The following ACSM2B variants were observed in gnomAD, a reference collection of about 807,000 sequenced individuals.
The protein encoded by ACSM2B is acyl-CoA synthetase medium chain family member 2B.
Under a neutral mutation model 78.6 loss-of-function variants are expected in ACSM2B, and 58 were observed. That is an observed-to-expected ratio of 0.74 (90% confidence interval 0.60 to 0.92). ACSM2B has a LOEUF of 0.92. Ranked by LOEUF, ACSM2B falls within the 40% of genes least tolerant of loss-of-function variation. The pLI is 0.00. For missense variants in ACSM2B, 688 were observed against 711.2 expected (o/e 0.97, Z 0.37); for synonymous variants, 257 against 256.8 (o/e 1.00, Z -0.01).
chr16:20,537,436 G>C, intron 13 of ACSM2B, 74 bp from the exon 14 acceptor site: 2 of 1,545,420 alleles, frequency 1.3e-6, no homozygotes, highest in Non-Finnish European at 1.8e-6. Context: ...AACTGCTGTA[G>C]GGTGAGGGGA....
intron 9 of ACSM2B, among the ~76,000 whole-genome samples, chr16:20,545,551 C>T (rs1351989359): frequency 6.6e-6 from 1 of 152,144 alleles, no homozygotes; most frequent in Non-Finnish European, 1.5e-5. Context: ...TTGAGACCTA[C>T]CTCACCTGTG....
intron 3 of ACSM2B, 93 bp downstream of exon 3, chr16:20,559,144 A>C: frequency 2.7e-6 from 4 of 1,486,144 alleles, no homozygotes; most frequent in Non-Finnish European, 3.6e-6. Flanking sequence ...GCTCCAAGGC[A>C]GAGACTTCTT....
chr16:20,551,374 T>C (rs923454018), intron 6 of ACSM2B, among the ~76,000 whole-genome samples: 2 of 152,102 alleles, frequency 1.3e-5, no homozygotes, highest in Admixed American at 6.6e-5. Flanking sequence ...GGGGTAATTA[T>C]GAAAGATAAT....
chr16:20,554,365 C>T lies in ACSM2B; in HGVS notation c.597-445G>A, dbSNP rs776992652. On this transcript the variant is annotated intron_variant, in intron 4 of 13. Coordinates refer to ENST00000329697, the MANE Select transcript of ACSM2B (RefSeq NM_001105069.2). The stretch of plus-strand genomic sequence containing the variant: ...GAGTTTTCCAAGTACTTTCTTGGCA[C>T]TCTCTTCTATTCCCTGGAAGCACCT... Among the ~76,000 whole-genome samples, 21 of 152,282 alleles carry T rather than the reference C, an allele frequency of 1.4e-4. 2 individuals carry two copies. The Middle Eastern group carries it at 0.01, about 74-fold the overall frequency.
At chr16:20,567,070 T>C (rs28534508) in intron 1 of ACSM2B, among the ~76,000 whole-genome samples, 57,978 of 132,730 alleles carry the variant, frequency 0.44, 16,271 homozygotes, top group East Asian at 0.87. Context: ...TGCTCACTCT[T>C]ACCACTTAGA....
At chr16:20,565,607 C>T (rs1029337508) in intron 1 of ACSM2B, among the ~76,000 whole-genome samples, 5 of 152,088 alleles carry the variant, frequency 3.3e-5, no homozygotes, top group Admixed American at 1.3e-4. Context: ...CATCCTAAAT[C>T]GCAGGTCCTA....
chr16:20,561,876 C>G, intron 2 of ACSM2B, among the ~76,000 whole-genome samples: 1 of 114,466 alleles, frequency 8.7e-6, no homozygotes, highest in African/African-American at 3.3e-5. Flanking sequence ...CCCCCCACCC[C>G]ATAACAGGCC....
At chr16:20,558,040 T>G (rs930419940) in intron 3 of ACSM2B, among the ~76,000 whole-genome samples, 2 of 152,134 alleles carry the variant, frequency 1.3e-5, no homozygotes, top group Non-Finnish European at 2.9e-5. Context: ...TTTGGAAAAA[T>G]AACAAATTTG....
At chr16:20,564,945 T>C (rs12920996) in intron 1 of ACSM2B, 92 bp from the exon 2 acceptor site, 300,081 of 1,481,102 alleles carry the variant, frequency 0.2, 24,446 homozygotes, top group East Asian at 0.67. Context: ...CCCAACCTTA[T>C]AGGATTCTTC....
chr16:20,573,221 C>T (rs1272347035), intron 1 of ACSM2B, among the ~76,000 whole-genome samples: 2 of 151,784 alleles, frequency 1.3e-5, no homozygotes, highest in Non-Finnish European at 2.9e-5. Context: ...ATCTGGGGCT[C>T]AAGGCTACTG....
intron 1 of ACSM2B, among the ~76,000 whole-genome samples, chr16:20,566,666 A>G (rs2015866123): frequency 4.6e-5 from 2 of 43,332 alleles, no homozygotes; most frequent in African/African-American, 3.5e-4. Flanking sequence ...ATATGTATAT[A>G]TAGTATATAC....
chr16:20,567,803 T>C (rs1053886669), intron 1 of ACSM2B, among the ~76,000 whole-genome samples: 2 of 140,952 alleles, frequency 1.4e-5, no homozygotes, highest in African/African-American at 5.2e-5. Context: ...TGATATATAA[T>C]AGTATGGTAT....
Position 20,543,256 on chromosome 16 carries a change from G to T in ACSM2B, c.1288C>A (p.Pro430Thr). Residue 430 changes from proline (P) to threonine (T), a missense_variant, in exon 11 of 14, where the codon CCC becomes ACC. Transcript: ENST00000329697. The part of the protein sequence containing the change: ...IGIFSGYVEN[P>T]DKTAANIRGD... ...CGAATGTTGGCTGCTGTCTTGTCGG[G>T]ATTTTCCTGGTGACCACAGAAAGAC... 6.2e-7 allele frequency: 1 copy of T among 1,609,212 alleles called. No homozygotes were observed. Among genetic ancestry groups the T allele is most frequent in the Non-Finnish European group, 8.5e-7 (1 of 1,179,852 alleles).
At chr16:20,547,958 T>G in intron 8 of ACSM2B, 104 bp downstream of exon 8, 1 of 1,562,300 alleles carries the variant, frequency 6.4e-7, no homozygotes, top group Non-Finnish European at 8.7e-7. Flanking sequence ...TAAATATTTC[T>G]CAAATAAATG....
chr16:20,565,820 C>T (rs576308750), intron 1 of ACSM2B, among the ~76,000 whole-genome samples: 7 of 151,904 alleles, frequency 4.6e-5, no homozygotes, highest in African/African-American at 7.3e-5. Context: ...ACCTCCTTCC[C>T]GTCATTTCCC....
Position 20,541,678 on chromosome 16 carries a change from T to C in ACSM2B, c.1510-905A>G, listed in dbSNP as rs868008820. ...CTTTTTTCCTTTCTTTTTCTTTTTC[T>C]TTCTTTTTTTTTTTTTTTTTTTGAG... is the stretch of plus-strand genomic sequence containing the variant. On this transcript the variant is annotated intron_variant, in intron 12 of 13. Transcript: ENST00000329697. The C allele has an allele frequency of 4.6e-3, 230 of 49,604 alleles. 2 individuals carry two copies. The highest frequency in any genetic ancestry group is 0.023 in the African/African-American group (200 of 8,870). 3.1% of individuals were successfully genotyped at this position (49,604 alleles called of 1,614,324 possible).
At chr16:20,542,834 A>G in intron 12 of ACSM2B, 80 bp downstream of exon 12, 1 of 1,561,990 alleles carries the variant, frequency 6.4e-7, no homozygotes, top group South Asian at 1.2e-5. Context: ...TCAGCCCCAC[A>G]GTCCCTGTTC....
rs2015617785 is a variant in ACSM2B at position 20,560,452 on chromosome 16, C to T, written c.178-1005G>A. 5.3e-5 allele frequency among the ~76,000 whole-genome samples: 8 copies of T among 152,004 alleles called. No individual in the cohort carries two copies. The South Asian group carries it at 1.7e-3, about 32-fold the overall frequency. On this transcript the variant is annotated intron_variant, in intron 2 of 13. Transcript: ENST00000329697. The stretch of plus-strand genomic sequence containing the variant: ...TCTCACTCTCTGTTTTGCTCCTCAT[C>T]TTGCCCTTTGTTGTGCCTGCTCTTT...
rs866392872 is a variant in ACSM2B, at chr16:20,545,235, G to C, written c.1203C>G (p.Val401=). 7.4e-6 allele frequency: 12 copies of C among 1,613,772 alleles called. No homozygotes were observed. Among genetic ancestry groups the C allele is most frequent in the Non-Finnish European group, 1.0e-5 (12 of 1,179,852 alleles). The change falls in exon 10 of 14, where the codon GTC becomes GTG. Residue 401 remains valine, a synonymous_variant. Transcript: ENST00000329697. ...TGTCTCCTTCTGTGCCGGGGGGCAG[G>C]ACGTTGCCCTTATCATCTATAACCT... ...DVQVIDDKGN[V]LPPGTEGDIG...
Sources: allele counts gnomAD v4.1 joint callset (sites outside exome capture counted in the v4.1 genomes callset), GRCh38; gene constraint gnomAD v4.1.1; transcripts MANE v1.5; gene names NCBI Gene and HGNC (gene_info 2026-07-23, HGNC 2026-07-21).